PFKFB3: variants seen among roughly 807,000 people sequenced by gnomAD.
The protein encoded by PFKFB3 is 6-phosphofructo-2-kinase/fructose-2,6-bisphosphatase 3.
A neutral mutation model predicts 68.0 loss-of-function variants in PFKFB3; 33 were observed. The observed-to-expected ratio is 0.49, with a 90% CI of 0.37 to 0.65. The LOEUF is 0.65. Ranked by LOEUF, PFKFB3 falls within the 30% of genes least tolerant of loss-of-function variation. The pLI, the probability that PFKFB3 is intolerant of heterozygous loss-of-function variation, is 0.00. For synonymous variants in PFKFB3, 315 were observed against 288.2 expected (o/e 1.09, Z -0.94); for missense variants, 586 against 712.2 (o/e 0.82, Z 2.02).
upstream of PFKFB3, among the ~76,000 whole-genome samples, chr10:6,201,215 C>T (rs1347056699): frequency 1.3e-5 from 2 of 151,954 alleles, no homozygotes; most frequent in Non-Finnish European, 2.9e-5. The surrounding 1 kb of genome is among the most constrained non-coding windows in gnomAD (Gnocchi z 4.1). Context: ...CTGCTGTTTC[C>T]CTCTTCGGGT....
At chr10:6,217,525 C>T (rs1387816502) in intron 6 of PFKFB3, among the ~76,000 whole-genome samples, 1 of 148,804 alleles carries the variant, frequency 6.7e-6, no homozygotes, top group African/African-American at 2.5e-5. Flanking sequence ...GCTCACTGCC[C>T]CTAATGGGAC....
At chr10:6,313,011 G>A in the PFKFB3 span, among the ~76,000 whole-genome samples, 1 of 152,226 alleles carries the variant, frequency 6.6e-6, no homozygotes, top group African/African-American at 2.4e-5. The surrounding 1 kb of genome is among the most constrained non-coding windows in gnomAD (Gnocchi z 4.2). Flanking sequence ...TTAAACTGGT[G>A]AAACTGTATG....
chr10:6,192,664 CGTGTGTGTGTGTGTGT>C (rs34129264), intron 1 of PFKFB3, among the ~76,000 whole-genome samples: 203 of 128,876 alleles, frequency 1.6e-3, no homozygotes, highest in African/African-American at 3.3e-3. Flanking sequence ...TCCCCTCACC[CGTGTGTGTGTGTGTGT>C]GTGTGTGTGT....
At chr10:6,238,892 T>G (rs541843960), downstream of PFKFB3, among the ~76,000 whole-genome samples, 1 of 152,334 alleles carries the variant, frequency 6.6e-6, no homozygotes, top group Non-Finnish European at 1.5e-5. Flanking sequence ...CTGCAAAGGA[T>G]AGGATCTCAT....
At chr10:6,207,257 G>A (rs542808804) in intron 1 of PFKFB3, among the ~76,000 whole-genome samples, 17 of 152,276 alleles carry the variant, frequency 1.1e-4, no homozygotes, top group South Asian at 2.1e-4. Flanking sequence ...CCAACACAGC[G>A]AAACCCCGTC....
chr10:6,326,149 G>A, the PFKFB3 span, among the ~76,000 whole-genome samples: 1 of 152,188 alleles, frequency 6.6e-6, no homozygotes, highest in African/African-American at 2.4e-5. Context: ...CATGGGTGGA[G>A]CTAGAAGCCC....
chr10:6,151,371 C>T (rs1841579132), intron 1 of PFKFB3, among the ~76,000 whole-genome samples: 1 of 150,788 alleles, frequency 6.6e-6, no homozygotes, highest in African/African-American at 2.5e-5. Flanking sequence ...CAAAAACACA[C>T]TTCCCCCTGG....
At chr10:6,318,331 C>A in the PFKFB3 span, among the ~76,000 whole-genome samples, 1 of 152,198 alleles carries the variant, frequency 6.6e-6, no homozygotes, top group Non-Finnish European at 1.5e-5. Context: ...GAGATTGGAG[C>A]ATACACCACC....
chr10:6,149,316 G>A (rs958663920), intron 1 of PFKFB3, among the ~76,000 whole-genome samples: 5 of 152,252 alleles, frequency 3.3e-5, no homozygotes, highest in East Asian at 1.9e-4. Flanking sequence ...GGCCGGGTGC[G>A]GTGGCTCATG....
chr10:6,232,139 G>A (rs561263361), intron 14 of PFKFB3, among the ~76,000 whole-genome samples: 95 of 151,752 alleles, frequency 6.3e-4, no homozygotes, highest in African/African-American at 2.3e-3. Context: ...AACATTGTGT[G>A]TTTTCTTGTT....
chr10:6,302,218 C>T, the PFKFB3 span, among the ~76,000 whole-genome samples: 1 of 151,674 alleles, frequency 6.6e-6, no homozygotes, highest in Non-Finnish European at 1.5e-5. Context: ...CCACATCCAG[C>T]TAATTTTTGT....
At chr10:6,197,287 T>C (rs1843203916) in intron 1 of PFKFB3, among the ~76,000 whole-genome samples, 1 of 152,176 alleles carries the variant, frequency 6.6e-6, no homozygotes, top group African/African-American at 2.4e-5. Context: ...TTACAGTACA[T>C]TTTCTATGTT....
At chr10:6,286,442 A>G in the PFKFB3 span, among the ~76,000 whole-genome samples, 5 of 152,008 alleles carry the variant, frequency 3.3e-5, no homozygotes, top group African/African-American at 9.7e-5. Flanking sequence ...GAGTGGCATG[A>G]TCTCAGCTCA....
chr10:6,257,484 T>A (rs1588574263), downstream of PFKFB3, among the ~76,000 whole-genome samples: 7 of 152,272 alleles, frequency 4.6e-5, 2 homozygotes, highest in Admixed American at 4.6e-4. Flanking sequence ...GTCAGACAAG[T>A]GACTTGACCA....
At chr10:6,160,588 C>T (rs957530196) in intron 1 of PFKFB3, among the ~76,000 whole-genome samples, 36 of 151,836 alleles carry the variant, frequency 2.4e-4, no homozygotes, top group Admixed American at 1.7e-3. Flanking sequence ...CATGGTGGCA[C>T]GCACCTGTAA....
At chr10:6,160,670 A>T (rs531482988) in intron 1 of PFKFB3, among the ~76,000 whole-genome samples, 4 of 138,786 alleles carry the variant, frequency 2.9e-5, no homozygotes, top group South Asian at 2.4e-4. Flanking sequence ...GTGAGCTGAG[A>T]TCTCGCCATT....
At chr10:6,176,004 G>A (rs952722490) in intron 1 of PFKFB3, among the ~76,000 whole-genome samples, 5 of 152,238 alleles carry the variant, frequency 3.3e-5, no homozygotes, top group Admixed American at 3.3e-4. Flanking sequence ...TGCACTCAAG[G>A]TGCACAGAAG....
chr10:6,312,900 T>C, the PFKFB3 span, among the ~76,000 whole-genome samples: 5 of 139,956 alleles, frequency 3.6e-5, no homozygotes, highest in East Asian at 1.1e-3. Context: ...TGGAATCAAA[T>C]AAGCAATGAT....
At chr10:6,253,508 C>G (rs1477066165) in intron 14 of PFKFB3, among the ~76,000 whole-genome samples, 2 of 151,978 alleles carry the variant, frequency 1.3e-5, no homozygotes, top group African/African-American at 4.8e-5. Context: ...GAAGTGGTAC[C>G]CTAAAGGAGC....
Sources: allele counts gnomAD v4.1 joint callset (sites outside exome capture counted in the v4.1 genomes callset), GRCh38; gene constraint gnomAD v4.1.1; non-coding constraint Gnocchi (gnomAD v3.1); transcripts MANE v1.5; gene names NCBI Gene and HGNC (gene_info 2026-07-23, HGNC 2026-07-21).